The following TOPAZ1 variants were observed in gnomAD, a reference collection of about 807,000 sequenced individuals.
TOPAZ1 encodes testis and ovary specific TOPAZ 1, also known as protein TOPAZ1.
TOPAZ1 carries 66 observed loss-of-function variants against 172.2 expected under a neutral mutation model. The observed-to-expected ratio is 0.38, with a 90% CI of 0.31 to 0.47. The LOEUF (loss-of-function observed/expected upper bound fraction) is 0.47, where lower values mean the gene tolerates loss of function less well. Ranked by LOEUF, TOPAZ1 falls within the 20% of genes least tolerant of loss-of-function variation. The pLI is 0.99. For synonymous variants in TOPAZ1, 681 were observed against 683.9 expected (o/e 1.00, Z 0.07); for missense variants, 1,822 against 1,972.4 (o/e 0.92, Z 1.44).
At chr3:44,278,627 A>G (rs9855495) in intron 8 of TOPAZ1, among the ~76,000 whole-genome samples, 2,925 of 152,152 alleles carry the variant, frequency 0.019, 89 homozygotes, top group African/African-American at 0.067. Context: ...TTTTTCATGT[A>G]TAGTTAGTTG....
chr3:44,281,097 G>T (rs947448936), intron 8 of TOPAZ1, among the ~76,000 whole-genome samples: 37 of 152,064 alleles, frequency 2.4e-4, no homozygotes, highest in African/African-American at 8.7e-4. Flanking sequence ...GACCACTGGG[G>T]GTCTCTCATT....
intron 8 of TOPAZ1, among the ~76,000 whole-genome samples, chr3:44,271,333 A>G (rs1354782087): frequency 6.6e-6 from 1 of 152,178 alleles, no homozygotes; most frequent in Non-Finnish European, 1.5e-5. Flanking sequence ...AGCCTTTTGC[A>G]TATAGCCATT....
At chr3:44,300,260 C>T (rs1575727670) in intron 12 of TOPAZ1, among the ~76,000 whole-genome samples, 1 of 151,782 alleles carries the variant, frequency 6.6e-6, no homozygotes, top group Non-Finnish European at 1.5e-5. Flanking sequence ...TGGTAAAACC[C>T]CATCTCTACT....
intron 6 of TOPAZ1, among the ~76,000 whole-genome samples, 180 bp downstream of exon 6, chr3:44,267,316 CAG>C (rs1699841647): frequency 8.5e-6 from 1 of 117,960 alleles, no homozygotes; most frequent in South Asian, 2.7e-4. Flanking sequence ...TTTTTTGAGA[CAG>C]AGTCTCACAC....
At position 44,248,582 on chromosome 3, in the gene TOPAZ1, G is replaced by T. The variant is rs556152111; in HGVS notation, c.2765+3311G>T. On this transcript the variant is annotated intron_variant, in intron 2 of 19. Transcript: ENST00000309765. Reference sequence around the variant, plus strand: ...GACCTGATAACCAGAGAATCTATCAGTAGTTGCACAGAAACTTGTTAATGG... The same window carrying T: ...GACCTGATAACCAGAGAATCTATCATTAGTTGCACAGAAACTTGTTAATGG... Among the ~76,000 whole-genome samples the T allele has an allele frequency of 2.0e-5, 3 of 152,322 alleles. No individual in the cohort carries two copies. The South Asian group carries it at 6.2e-4, about 32-fold the overall frequency.
At chr3:44,302,530 C>G (rs559888564) in intron 12 of TOPAZ1, among the ~76,000 whole-genome samples, 55 of 152,258 alleles carry the variant, frequency 3.6e-4, no homozygotes, top group African/African-American at 1.3e-3. Context: ...GTATTTTATT[C>G]CACTGGACTG....
chr3:44,268,103 T>C (rs971676661), intron 6 of TOPAZ1, among the ~76,000 whole-genome samples: 6 of 152,174 alleles, frequency 3.9e-5, no homozygotes, highest in African/African-American at 1.2e-4. Flanking sequence ...AGTTCTCTTT[T>C]TAAAAGACCA....
intron 11 of TOPAZ1, among the ~76,000 whole-genome samples, chr3:44,289,576 A>G (rs575050944): frequency 3.0e-4 from 46 of 152,292 alleles, no homozygotes; most frequent in African/African-American, 1.1e-3. Flanking sequence ...GCCGAGTACC[A>G]CTAAATTTGA....
At chr3:44,320,521 C>T (rs1216254397) in intron 16 of TOPAZ1, among the ~76,000 whole-genome samples, 1 of 152,126 alleles carries the variant, frequency 6.6e-6, no homozygotes, top group Non-Finnish European at 1.5e-5. Flanking sequence ...TCACTTGAAC[C>T]CGGGAGGCGG....
intron 19 of TOPAZ1, 38 bp downstream of exon 19, chr3:44,328,471 A>G: frequency 7.7e-7 from 1 of 1,290,628 alleles, no homozygotes; most frequent in South Asian, 1.5e-5. Context: ...CTGAATGTAG[A>G]TCATGACTCC....
chr3:44,309,846 C>T lies in TOPAZ1; in HGVS notation c.4162C>T (p.Leu1388=). 6.5e-7 allele frequency: 1 copy of T among 1,530,596 alleles called. No individual in the cohort carries two copies. The highest frequency in any genetic ancestry group is 8.8e-7 in the Non-Finnish European group (1 of 1,134,194). The allele number at this position is 1,530,596 out of a possible 1,614,324, so 94.8% of individuals were successfully genotyped here. A position where few individuals can be genotyped will look rare whatever the true frequency, so the allele number is the denominator to read the frequency against. Residue 1388 remains leucine, a synonymous_variant, in exon 16 of 20, where the codon CTA becomes TTA. Coordinates refer to ENST00000309765, the MANE Select transcript of TOPAZ1 (RefSeq NM_001145030.2). ...WSKGRKVLEK[L]YELKIHFTSL... is the part of the protein sequence containing the mutation. ...CTAGGGAAGGAAGGTCTTAGAGAAA[C>T]TATATGAATTAAAAATACACTTTAC... is the stretch of plus-strand genomic sequence containing the variant.
Position 44,331,845 on chromosome 3 carries a change from G to A in TOPAZ1, c.4913G>A (p.Arg1638Lys). The change falls in exon 20 of 20, where the codon AGG becomes AAG. Residue 1638 changes from arginine (R) to lysine (K), a missense_variant. Arg to Lys is a conservative substitution (Grantham distance 26, BLOSUM62 2). This residue lies in a region of TOPAZ1 where 333 missense variants were observed against 481.7 expected (regional missense o/e 0.69). Transcript: ENST00000309765. ...GATGATTATCAAGCTGCAGTAGAAA[G>A]GTTAATTATGGCTGCTCGTATATCA... ...SNDDYQAAVE[R>K]LIMAARISDP... 6.4e-7 allele frequency: 1 copy of A among 1,552,098 alleles called. No individual in the cohort carries two copies. The highest frequency in any genetic ancestry group is 8.7e-7 in the Non-Finnish European group (1 of 1,147,078).
At chr3:44,254,768 G>A (rs1699676521) in intron 2 of TOPAZ1, among the ~76,000 whole-genome samples, 200 bp from the exon 3 acceptor site, 2 of 151,968 alleles carry the variant, frequency 1.3e-5, no homozygotes, top group South Asian at 4.2e-4. Context: ...TAACAGTTGA[G>A]GCATATGTGA....
chr3:44,323,652 T>C (rs571985136), intron 18 of TOPAZ1, among the ~76,000 whole-genome samples: 2 of 152,232 alleles, frequency 1.3e-5, no homozygotes, highest in African/African-American at 4.8e-5. Flanking sequence ...GAAGATCTGT[T>C]TTTATTTATC....
At chr3:44,290,725 G>T in intron 11 of TOPAZ1, 46 bp from the exon 12 acceptor site, 3 of 1,254,156 alleles carry the variant, frequency 2.4e-6, no homozygotes, top group Non-Finnish European at 3.4e-6. Context: ...CCTCAATTCT[G>T]TCACATTTTT....
Position 44,310,001 on chromosome 3 carries a change from A to T in TOPAZ1, c.4306+11A>T. 6.5e-7 allele frequency: 1 copy of T among 1,533,760 alleles called. No individual in the cohort carries two copies. Among genetic ancestry groups the T allele is most frequent in the Non-Finnish European group, 8.8e-7 (1 of 1,142,104 alleles). On this transcript the variant is annotated intron_variant, in intron 16 of 19. Transcript: ENST00000309765. ...TTTGGGTAATGAGGGGTAAGTCCTG[A>T]TATATGCAAGCATAAAATAATTCGT...
chr3:44,270,822 A>G lies in TOPAZ1; in HGVS notation c.3372+12A>G. 9 of 1,528,798 alleles carry G rather than the reference A, an allele frequency of 5.9e-6. No homozygotes were observed. The highest frequency in any genetic ancestry group is 7.9e-6 in the Non-Finnish European group (9 of 1,139,278). The allele number at this position is 1,528,798 out of a possible 1,614,324, so 94.7% of individuals were successfully genotyped here. A position where few individuals can be genotyped will look rare whatever the true frequency, so the allele number is the denominator to read the frequency against. Reference sequence around the variant, plus strand: ...AAGGGGATGAAAAGGTAAAACATATAAAGTCTTTAAAGTAGAGATTGTTTT... The same window carrying G: ...AAGGGGATGAAAAGGTAAAACATATGAAGTCTTTAAAGTAGAGATTGTTTT... On this transcript the variant is annotated intron_variant, in intron 8 of 19. Transcript: ENST00000309765.
chr3:44,266,970 C>A, intron 5 of TOPAZ1, 27 bp from the exon 6 acceptor site: 1 of 1,477,378 alleles, frequency 6.8e-7, no homozygotes, highest in South Asian at 1.3e-5. Flanking sequence ...CATTTAAATT[C>A]TGATGTTAAT....
In TOPAZ1 at chr3:44,307,315, C is replaced by T. The variant is rs1700347215; in HGVS notation, c.4140+889C>T. Among the ~76,000 whole-genome samples the T allele has an allele frequency of 1.3e-5, 2 of 152,106 alleles. 1 individual carries two copies. The highest frequency in any genetic ancestry group is 4.1e-4 in the South Asian group (2 of 4,836). On this transcript the variant is annotated intron_variant, in intron 15 of 19. Coordinates refer to ENST00000309765, the MANE Select transcript of TOPAZ1 (RefSeq NM_001145030.2). ...GGGATTACAGGTGTGAGCCACCATA[C>T]CCAGCCAAGACACATTTCTTAAGAT...
Sources: allele counts gnomAD v4.1 joint callset (sites outside exome capture counted in the v4.1 genomes callset), GRCh38; gene constraint gnomAD v4.1.1; regional missense constraint gnomAD v4.1.1; transcripts MANE v1.5; gene names NCBI Gene and HGNC (gene_info 2026-07-23, HGNC 2026-07-21).